The following DUSP16 variants were observed in gnomAD, a reference collection of about 807,000 sequenced individuals.
DUSP16 encodes the protein dual specificity phosphatase 16.
Under a neutral mutation model 58.3 loss-of-function variants are expected in DUSP16, and 21 were observed. The ratio of observed to expected loss-of-function variants is 0.36; its 90% CI spans 0.26 to 0.52. The LOEUF (loss-of-function observed/expected upper bound fraction) is 0.52, where lower values mean the gene tolerates loss of function less well. Among genes scored for constraint, DUSP16 ranks in the 20% least tolerant of loss-of-function variants. The pLI is 0.94. For missense variants in DUSP16, 726 were observed against 819.0 expected (o/e 0.89, Z 1.39); for synonymous variants, 320 against 323.8 (o/e 0.99, Z 0.12).
chr12:12,489,633 G>A (rs762323465), intron 4 of DUSP16, among the ~76,000 whole-genome samples: 2 of 152,138 alleles, frequency 1.3e-5, no homozygotes, highest in Non-Finnish European at 2.9e-5. Context: ...GAAATGAGGT[G>A]ACTCTAATAG....
chr12:12,513,196 C>T (rs11054945), intron 3 of DUSP16, among the ~76,000 whole-genome samples: 1 of 152,174 alleles, frequency 6.6e-6, no homozygotes. Context: ...TTGCTGTGTT[C>T]TTAATAAATG....
Position 12,478,026 on chromosome 12 carries a change from A to G in DUSP16, c.816-11T>C, listed in dbSNP as rs887310582. ...TTTTCTTTCACAAATCTGCAGAGAG[A>G]GGAAAAAACAAAAACCCGAATTTTA... is the stretch of plus-strand genomic sequence containing the variant. On this transcript the variant is annotated splice_polypyrimidine_tract_variant and intron_variant, in intron 6 of 6. Transcript: ENST00000298573. 4 of 1,551,240 alleles carry G rather than the reference A, an allele frequency of 2.6e-6. No individual in the cohort carries two copies. Among genetic ancestry groups the G allele is most frequent in the East Asian group, 2.3e-5 (1 of 44,116 alleles).
intron 4 of DUSP16, among the ~76,000 whole-genome samples, chr12:12,492,631 C>G (rs2136203563): frequency 6.6e-6 from 1 of 152,206 alleles, no homozygotes; most frequent in African/African-American, 2.4e-5. Flanking sequence ...CTCCCTCCAG[C>G]CATTACCCCA....
At chr12:12,486,981 A>G (rs1331687438) in intron 5 of DUSP16, 47 bp downstream of exon 5, 3 of 1,605,540 alleles carry the variant, frequency 1.9e-6, no homozygotes, top group South Asian at 2.2e-5. Context: ...TCACCTACAC[A>G]TGAGACGATC....
chr12:12,558,218 AG>A (rs1944839556), intron 1 of DUSP16, among the ~76,000 whole-genome samples: 5 of 152,254 alleles, frequency 3.3e-5, no homozygotes, highest in Admixed American at 3.3e-4. Context: ...CCAGAAATTC[AG>A]TTAATAATTT....
chr12:12,494,997 C>A (rs532599215), intron 4 of DUSP16, among the ~76,000 whole-genome samples: 1 of 152,070 alleles, frequency 6.6e-6, no homozygotes, highest in Non-Finnish European at 1.5e-5. Context: ...CACAGCCCAG[C>A]GCATTACCAC....
intron 1 of DUSP16, among the ~76,000 whole-genome samples, chr12:12,547,718 A>G (rs1215988444): frequency 6.6e-6 from 1 of 152,126 alleles, no homozygotes; most frequent in Non-Finnish European, 1.5e-5. Flanking sequence ...AGTAAGATCA[A>G]AAGTTAGAAA....
intron 4 of DUSP16, among the ~76,000 whole-genome samples, chr12:12,499,891 C>T (rs1445962952): frequency 6.6e-6 from 1 of 152,090 alleles, no homozygotes; most frequent in Non-Finnish European, 1.5e-5. Context: ...AAAGGCCTCA[C>T]TCAATCCAAT....
Position 12,476,685 on chromosome 12 carries a change from C to T in DUSP16, c.*148G>A, listed in dbSNP as rs541821907. On this transcript the variant is annotated 3_prime_UTR_variant, in exon 7 of 7. Transcript: ENST00000298573. ...AATGCAGATGTTAAGAGAGTAACAA[C>T]TGGGTTGATCCACCTGTTGCTTTTA... 2 of 648,522 alleles carry T rather than the reference C, an allele frequency of 3.1e-6. No individual in the cohort carries two copies. The highest frequency in any genetic ancestry group is 3.1e-5 in the Admixed American group (1 of 31,846). 40.2% of individuals were successfully genotyped at this position (648,522 alleles called of 1,614,324 possible).
chr12:12,543,472 T>C (rs922302908), intron 1 of DUSP16, among the ~76,000 whole-genome samples: 2 of 152,344 alleles, frequency 1.3e-5, no homozygotes, highest in South Asian at 4.1e-4. Context: ...GATAAAAAAG[T>C]AAATAGAATA....
intron 1 of DUSP16, among the ~76,000 whole-genome samples, chr12:12,531,849 T>C (rs1408115419): frequency 6.7e-6 from 1 of 149,898 alleles, no homozygotes; most frequent in Non-Finnish European, 1.5e-5. Flanking sequence ...CCAACCTGGA[T>C]GACAGCGTGA....
chr12:12,533,969 T>C, intron 1 of DUSP16, among the ~76,000 whole-genome samples: 1 of 152,218 alleles, frequency 6.6e-6, no homozygotes, highest in East Asian at 1.9e-4. Context: ...GACTTATCAT[T>C]AAGCAGTCAT....
intron 1 of DUSP16, among the ~76,000 whole-genome samples, chr12:12,530,708 A>G (rs911872980): frequency 6.6e-6 from 1 of 152,222 alleles, no homozygotes; most frequent in Non-Finnish European, 1.5e-5. Context: ...CTGTAACAAG[A>G]AAGATTACTA....
intron 1 of DUSP16, among the ~76,000 whole-genome samples, chr12:12,551,510 T>A (rs1944726125): frequency 6.6e-6 from 1 of 150,946 alleles, no homozygotes; most frequent in Non-Finnish European, 1.5e-5. Context: ...TGATATAAAT[T>A]AAGCTTTCAA....
At position 12,480,189 on chromosome 12, in the gene DUSP16, A is replaced by G. The variant is rs183586245; in HGVS notation, c.815+34T>C. On this transcript the variant is annotated intron_variant, in intron 6 of 6. Coordinates refer to ENST00000298573, the MANE Select transcript of DUSP16 (RefSeq NM_030640.3). Reference sequence around the variant, plus strand: ...TTCTTTATGTTTCAGGTCAAATGAAAAGCCAATCACAGAAGACATTTTCCT... The same window carrying G: ...TTCTTTATGTTTCAGGTCAAATGAAGAGCCAATCACAGAAGACATTTTCCT... 23 of 1,606,766 alleles carry G rather than the reference A, an allele frequency of 1.4e-5. No homozygotes were observed. In the Admixed American group the frequency reaches 3.9e-4, roughly 27 times the overall value.
chr12:12,495,413 G>C (rs950380844), intron 4 of DUSP16, among the ~76,000 whole-genome samples: 2 of 152,162 alleles, frequency 1.3e-5, no homozygotes. Context: ...TCAACACACA[G>C]TTGAGTAAAC....
chr12:12,501,208 C>G (rs1009775001), intron 3 of DUSP16, among the ~76,000 whole-genome samples: 3 of 152,192 alleles, frequency 2.0e-5, no homozygotes, highest in African/African-American at 7.2e-5. Context: ...CTCCCACCTA[C>G]GAATATTCTA....
intron 1 of DUSP16, among the ~76,000 whole-genome samples, chr12:12,555,103 G>A (rs1944788337): frequency 6.6e-6 from 1 of 152,190 alleles, no homozygotes; most frequent in South Asian, 2.1e-4. Flanking sequence ...TCTGAGAAGT[G>A]ATCCAAAGAG....
At chr12:12,536,532 G>A (rs541310405) in intron 1 of DUSP16, among the ~76,000 whole-genome samples, 11 of 152,270 alleles carry the variant, frequency 7.2e-5, no homozygotes, top group African/African-American at 2.6e-4. Context: ...ATCACCTGAA[G>A]TTAGGAGTTC....
Sources: allele counts gnomAD v4.1 joint callset (sites outside exome capture counted in the v4.1 genomes callset), GRCh38; gene constraint gnomAD v4.1.1; transcripts MANE v1.5; gene names NCBI Gene and HGNC (gene_info 2026-07-23, HGNC 2026-07-21).